The following GABRB3 variants were observed in gnomAD, a reference collection of about 807,000 sequenced individuals.
The protein encoded by GABRB3 is gamma-aminobutyric acid receptor subunit beta-3.
A neutral mutation model predicts 52.1 loss-of-function variants in GABRB3; 14 were observed. The observed-to-expected ratio is 0.27, with a 90% CI of 0.18 to 0.42. The LOEUF (loss-of-function observed/expected upper bound fraction) is 0.42, where lower values mean the gene tolerates loss of function less well. Among genes scored for constraint, GABRB3 ranks in the 10% least tolerant of loss-of-function variants. The pLI, the probability that GABRB3 is intolerant of heterozygous loss-of-function variation, is 1.00. For synonymous variants in GABRB3, 260 were observed against 232.3 expected (o/e 1.12, Z -1.08); for missense variants, 307 against 609.1 (o/e 0.50, Z 5.22).
intron 3 of GABRB3, among the ~76,000 whole-genome samples, chr15:26,734,383 T>A (rs927136945): frequency 2.0e-5 from 3 of 152,052 alleles, no homozygotes; most frequent in Non-Finnish European, 4.4e-5. Context: ...CACAACATTG[T>A]ATTTAGCAGT....
At chr15:26,660,767 C>T (rs750982792) in intron 3 of GABRB3, among the ~76,000 whole-genome samples, 8 of 152,098 alleles carry the variant, frequency 5.3e-5, no homozygotes, top group East Asian at 1.9e-4. Context: ...AGATCTGTTA[C>T]GATGTTAAAG....
chr15:26,550,652 A>G (rs1273923119), intron 8 of GABRB3, among the ~76,000 whole-genome samples: 1 of 152,236 alleles, frequency 6.6e-6, no homozygotes, highest in African/African-American at 2.4e-5. Context: ...TCAGTTTACG[A>G]CAGGGAGCTG....
In GABRB3 at chr15:26,544,339, G is replaced by A. The variant is rs1008160666; in HGVS notation, c.*3454C>T. On this transcript the variant is annotated 3_prime_UTR_variant, in exon 9 of 9. Coordinates refer to ENST00000311550, the MANE Select transcript of GABRB3 (RefSeq NM_000814.6). ...CTTAAAACCAGCCCCAGACTCGTTTGGCATCACCTTTGAGATGATCTCCTC... is the reference window on the plus strand; with the variant it reads ...CTTAAAACCAGCCCCAGACTCGTTTAGCATCACCTTTGAGATGATCTCCTC... 2 of 152,586 alleles carry A rather than the reference G, an allele frequency of 1.3e-5. No individual in the cohort carries two copies. The highest frequency in any genetic ancestry group is 4.8e-5 in the African/African-American group (2 of 41,420). 9.5% of individuals were successfully genotyped at this position (152,586 alleles called of 1,614,324 possible). A position where few individuals can be genotyped will look rare whatever the true frequency, so the allele number is the denominator to read the frequency against.
chr15:26,614,029 T>C (rs991909203), intron 4 of GABRB3: 6 of 152,192 alleles, frequency 3.9e-5, no homozygotes, highest in Admixed American at 2.0e-4. Context: ...GGAAGCATGA[T>C]GAGGGAGGAG....
At chr15:26,570,037 T>C (rs555534889) in intron 6 of GABRB3, among the ~76,000 whole-genome samples, 12 of 152,354 alleles carry the variant, frequency 7.9e-5, no homozygotes, top group African/African-American at 2.6e-4. Flanking sequence ...CCAGTTGCTG[T>C]TGTAAACCTT....
Position 26,567,704 on chromosome 15 carries a change from G to A in GABRB3, c.712C>T (p.Arg238Trp), listed in dbSNP as rs144496462. 1.2e-6 allele frequency: 2 copies of A among 1,613,942 alleles called. No homozygotes were observed. Among genetic ancestry groups the A allele is most frequent in the African/African-American group, 1.3e-5 (1 of 74,938 alleles). Residue 238 changes from arginine to tryptophan, a missense_variant, in exon 7 of 9, where the codon CGG becomes TGG. Physicochemically the swap from Arg to Trp is moderately radical, Grantham distance 101. This residue lies in a region of GABRB3 where 32 missense variants were observed against 147.8 expected (regional missense o/e 0.22). Coordinates refer to ENST00000311550, the MANE Select transcript of GABRB3 (RefSeq NM_000814.6). ...AAGTATCCAATGTTCCTCTTCAACC[G>A]AAAGCTCAGTGACAGTCGAGGATAG... ...GAYPRLSLSF[R>W]LKRNIGYFIL...
chr15:26,702,827 G>A (rs147473083), intron 3 of GABRB3, among the ~76,000 whole-genome samples: 166 of 152,306 alleles, frequency 1.1e-3, no homozygotes, highest in African/African-American at 3.8e-3. Context: ...CATTTAGGCA[G>A]TTACAACGAA....
intron 4 of GABRB3, among the ~76,000 whole-genome samples, chr15:26,609,121 C>CACAT (rs1194614101): frequency 9.8e-6 from 1 of 102,356 alleles, no homozygotes; most frequent in African/African-American, 2.9e-5. Flanking sequence ...CACACACACA[C>CACAT]ACACACACAC....
intron 3 of GABRB3, among the ~76,000 whole-genome samples, chr15:26,731,294 C>T (rs1235062177): frequency 6.6e-6 from 1 of 152,188 alleles, no homozygotes; most frequent in Non-Finnish European, 1.5e-5. Flanking sequence ...CTACAATGAG[C>T]ATTTTAACTG....
intron 6 of GABRB3, among the ~76,000 whole-genome samples, chr15:26,576,071 A>C (rs1262755055): frequency 6.6e-6 from 1 of 152,252 alleles, no homozygotes; most frequent in Non-Finnish European, 1.5e-5. Context: ...ACAAAGCTGA[A>C]GTTTCAATCT....
chr15:26,545,881 T>C lies in GABRB3; in HGVS notation c.*1912A>G, dbSNP rs137931573. ...AGAGGGAAAAGGGTCTAAAAGTAGG[T>C]AATTGCCTCTAGCGTGAGATTTTGT... is the stretch of plus-strand genomic sequence containing the variant. On this transcript the variant is annotated 3_prime_UTR_variant, in exon 9 of 9. Coordinates refer to ENST00000311550, the MANE Select transcript of GABRB3 (RefSeq NM_000814.6). The C allele has an allele frequency of 6.6e-5, 10 of 152,670 alleles. No homozygotes were observed. Among genetic ancestry groups the C allele is most frequent in the African/African-American group, 2.4e-4 (10 of 41,540 alleles). 9.5% of individuals were successfully genotyped at this position (152,670 alleles called of 1,614,324 possible).
chr15:26,562,087 G>C (rs911306294), intron 7 of GABRB3, among the ~76,000 whole-genome samples: 5 of 152,114 alleles, frequency 3.3e-5, no homozygotes, highest in African/African-American at 1.2e-4. Context: ...ATAGACATAA[G>C]ATTCTGCACT....
At chr15:26,643,926 GT>G (rs1341704317) in intron 3 of GABRB3, among the ~76,000 whole-genome samples, 1 of 152,160 alleles carries the variant, frequency 6.6e-6, no homozygotes, top group Non-Finnish European at 1.5e-5. Context: ...GTCTGCCTTA[GT>G]GGGGCTTCGT....
At chr15:26,575,614 TA>T (rs1890567242) in intron 6 of GABRB3, among the ~76,000 whole-genome samples, 1 of 152,192 alleles carries the variant, frequency 6.6e-6, no homozygotes, top group Non-Finnish European at 1.5e-5. Context: ...AATGGACTCT[TA>T]AAGAGAAAGC....
chr15:26,561,967 T>G (rs1417392302), intron 7 of GABRB3, among the ~76,000 whole-genome samples: 1 of 152,246 alleles, frequency 6.6e-6, no homozygotes, highest in East Asian at 1.9e-4. Context: ...GTCGTTATGT[T>G]GAATTCTTTA....
At chr15:26,749,950 T>C (rs1484700436) in intron 3 of GABRB3, 1 of 152,214 alleles carries the variant, frequency 6.6e-6, no homozygotes, top group Non-Finnish European at 1.5e-5. Flanking sequence ...CCTGTGTTTA[T>C]TTGTTGTGTT....
intron 3 of GABRB3, among the ~76,000 whole-genome samples, chr15:26,747,932 G>T (rs1253510345): frequency 7.2e-6 from 1 of 138,924 alleles, no homozygotes; most frequent in Non-Finnish European, 1.5e-5. Context: ...ATCATGAATG[G>T]GTATTGTATT....
chr15:26,570,368 G>T (rs1890348597), intron 6 of GABRB3, among the ~76,000 whole-genome samples: 1 of 152,178 alleles, frequency 6.6e-6, no homozygotes, highest in Admixed American at 6.5e-5. Flanking sequence ...TGTGGATCAT[G>T]GGCCTGCGCA....
intron 3 of GABRB3, among the ~76,000 whole-genome samples, chr15:26,704,607 T>C (rs1472621934): frequency 6.8e-6 from 1 of 146,750 alleles, no homozygotes; most frequent in Admixed American, 7.0e-5. Flanking sequence ...TTCTCATATT[T>C]TACTGTAAGC....
Sources: gnomAD v4.1 joint callset for allele counts (sites outside exome capture counted in the v4.1 genomes callset) on GRCh38, gnomAD v4.1.1 for gene constraint, gnomAD v4.1.1 regional missense constraint, MANE v1.5 for transcripts, NCBI Gene and HGNC (gene_info 2026-07-23, HGNC 2026-07-21) for gene names.